The following PPARGC1A variants were observed in gnomAD, a reference collection of about 807,000 sequenced individuals.
PPARGC1A encodes peroxisome proliferator-activated receptor gamma coactivator 1-alpha.
In PPARGC1A, 25 loss-of-function variants were observed where a neutral mutation model predicts 88.7. The observed-to-expected ratio is 0.28, with a 90% CI of 0.21 to 0.39. The LOEUF (loss-of-function observed/expected upper bound fraction) is 0.39, where lower values mean the gene tolerates loss of function less well. Ranked by LOEUF, PPARGC1A falls within the 10% of genes least tolerant of loss-of-function variation. The pLI, the probability that PPARGC1A is intolerant of heterozygous loss-of-function variation, is 1.00. For synonymous variants in PPARGC1A, 363 were observed against 355.6 expected, an observed-to-expected ratio of 1.02 and a Z score of -0.24; for missense variants, 880 against 968.7, an observed-to-expected ratio of 0.91 and a Z score of 1.22.
the PPARGC1A span, among the ~76,000 whole-genome samples, chr4:24,169,635 C>G: frequency 6.6e-6 from 1 of 152,042 alleles, no homozygotes; most frequent in Non-Finnish European, 1.5e-5. Context: ...TTTGGGATGC[C>G]GAGGTGGGTG....
chr4:24,242,535 C>T, the PPARGC1A span, among the ~76,000 whole-genome samples: 36 of 152,130 alleles, frequency 2.4e-4, no homozygotes, highest in African/African-American at 7.5e-4. Context: ...GTGACCTCAG[C>T]GGCAGAGTTT....
chr4:24,358,184 G>A, the PPARGC1A span, among the ~76,000 whole-genome samples: 2 of 152,208 alleles, frequency 1.3e-5, no homozygotes, highest in Admixed American at 1.3e-4. Context: ...CAGTTAGTAT[G>A]TGGCAGATTC....
At chr4:24,270,912 C>T in the PPARGC1A span, among the ~76,000 whole-genome samples, 93,665 of 151,946 alleles carry the variant, frequency 0.62, 29,250 homozygotes, top group South Asian at 0.78. Flanking sequence ...GAAAAAAATC[C>T]ATAAAAACAT....
chr4:24,184,535 G>A, the PPARGC1A span, among the ~76,000 whole-genome samples: 4 of 152,210 alleles, frequency 2.6e-5, no homozygotes, highest in South Asian at 4.1e-4. Flanking sequence ...GCCTCCCCAG[G>A]CAGGACCTAG....
chr4:24,007,064 T>C, the PPARGC1A span, among the ~76,000 whole-genome samples: 1 of 152,218 alleles, frequency 6.6e-6, no homozygotes, highest in African/African-American at 2.4e-5. Flanking sequence ...AGTTTAATTG[T>C]CAGTGTTTTT....
the PPARGC1A span, among the ~76,000 whole-genome samples, chr4:24,369,809 G>A: frequency 6.6e-6 from 1 of 152,206 alleles, no homozygotes; most frequent in Admixed American, 6.5e-5. Flanking sequence ...AGGCAGCCAA[G>A]ACTTTCGTGC....
the PPARGC1A span, among the ~76,000 whole-genome samples, chr4:24,177,287 A>G: frequency 7.9e-5 from 12 of 152,332 alleles, no homozygotes; most frequent in East Asian, 2.3e-3. Context: ...CTATGCAGCC[A>G]TAAAAATGAT....
At chr4:24,228,256 C>T in the PPARGC1A span, among the ~76,000 whole-genome samples, 2 of 152,264 alleles carry the variant, frequency 1.3e-5, no homozygotes, top group South Asian at 4.2e-4. Context: ...GCCATTTTGA[C>T]TCTTTTATTT....
At chr4:23,900,833 G>T (rs1719246805), upstream of PPARGC1A, among the ~76,000 whole-genome samples, 1 of 152,234 alleles carries the variant, frequency 6.6e-6, no homozygotes, top group South Asian at 2.1e-4. Context: ...CATCTGAAGA[G>T]ACCAGAAGCA....
At chr4:24,423,034 C>T in the PPARGC1A span, among the ~76,000 whole-genome samples, 1 of 152,266 alleles carries the variant, frequency 6.6e-6, no homozygotes, top group Non-Finnish European at 1.5e-5. Flanking sequence ...TAGAGATTTT[C>T]CCAACCTTGG....
At chr4:24,123,092 C>G in the PPARGC1A span, among the ~76,000 whole-genome samples, 1 of 152,164 alleles carries the variant, frequency 6.6e-6, no homozygotes. Context: ...GGTAGGTCCC[C>G]ACTTGTCAAG....
At chr4:24,273,537 T>C in the PPARGC1A span, among the ~76,000 whole-genome samples, 54 of 152,188 alleles carry the variant, frequency 3.5e-4, no homozygotes, top group African/African-American at 1.1e-3. Context: ...TTAGAGGTCA[T>C]TGAGTCCAGA....
chr4:24,260,190 C>T, the PPARGC1A span, among the ~76,000 whole-genome samples: 1 of 152,244 alleles, frequency 6.6e-6, no homozygotes, highest in Non-Finnish European at 1.5e-5. Flanking sequence ...TCATTTCATA[C>T]TAAGCAAAGT....
At chr4:24,142,593 G>T in the PPARGC1A span, among the ~76,000 whole-genome samples, 9 of 152,052 alleles carry the variant, frequency 5.9e-5, no homozygotes, top group Non-Finnish European at 8.8e-5. Flanking sequence ...AGGATAGCTT[G>T]AACCCAGGAG....
At chr4:24,219,539 G>A in the PPARGC1A span, among the ~76,000 whole-genome samples, 11 of 152,252 alleles carry the variant, frequency 7.2e-5, no homozygotes, top group African/African-American at 1.9e-4. Flanking sequence ...CAGGGGAGGC[G>A]TCCTGCTCAG....
chr4:23,844,439 TATA>T (rs1183361578), intron 2 of PPARGC1A, among the ~76,000 whole-genome samples: 2 of 127,840 alleles, frequency 1.6e-5, no homozygotes, highest in Non-Finnish European at 3.1e-5. Flanking sequence ...ATATATTATA[TATA>T]ATATAGAATA....
At chr4:23,960,938 A>G in the PPARGC1A span, among the ~76,000 whole-genome samples, 5 of 152,198 alleles carry the variant, frequency 3.3e-5, no homozygotes, top group Non-Finnish European at 7.4e-5. Flanking sequence ...TGTTCTCAGC[A>G]TTATCAAGGA....
chr4:23,916,752 A>G, the PPARGC1A span, among the ~76,000 whole-genome samples: 1 of 152,236 alleles, frequency 6.6e-6, no homozygotes, highest in Non-Finnish European at 1.5e-5. Flanking sequence ...TAAACTACAA[A>G]GTAATATACA....
chr4:23,959,484 A>T, the PPARGC1A span, among the ~76,000 whole-genome samples: 1 of 152,156 alleles, frequency 6.6e-6, no homozygotes, highest in Non-Finnish European at 1.5e-5. Flanking sequence ...TGATAATAAG[A>T]TGTAGAAAAC....
Sources: gnomAD v4.1 joint callset for allele counts (sites outside exome capture counted in the v4.1 genomes callset) on GRCh38, gnomAD v4.1.1 for gene constraint, MANE v1.5 for transcripts, NCBI Gene and HGNC (gene_info 2026-07-23, HGNC 2026-07-21) for gene names.